Variants in RYR1 observed in about 807,000 individuals in gnomAD.
RYR1 encodes ryanodine receptor 1, also known as central core disease of muscle.
A neutral mutation model predicts 583.5 loss-of-function variants in RYR1; 342 were observed. The observed-to-expected ratio is 0.59, with a 90% CI of 0.54 to 0.64. RYR1 has a LOEUF of 0.64. RYR1 is among the 30% of genes least tolerant of loss of function. The pLI is 0.00. For missense variants in RYR1, 6,032 were observed against 6,917.2 expected, an observed-to-expected ratio of 0.87 and a Z score of 4.54; for synonymous variants, 2,791 against 2,822.5, an observed-to-expected ratio of 0.99 and a Z score of 0.35.
intron 87 of RYR1, among the ~76,000 whole-genome samples, chr19:38,544,101 C>T (rs900851302): frequency 5.3e-5 from 8 of 152,208 alleles, no homozygotes; most frequent in Admixed American, 3.9e-4. Flanking sequence ...TTTCCATCCA[C>T]GCTTCCATTG....
chr19:38,534,056 G>A (rs1971858107), intron 78 of RYR1, among the ~76,000 whole-genome samples: 1 of 141,212 alleles, frequency 7.1e-6, no homozygotes, highest in African/African-American at 2.7e-5. Context: ...CGCCCAGGCT[G>A]GATGGAGTGC....
rs184001980 is a variant in RYR1 at position 38,457,696 on chromosome 19, C to G, written c.1925+66C>G. 4.3e-5 allele frequency: 65 copies of G among 1,518,982 alleles called. No homozygotes were observed. The African/African-American group carries it at 7.9e-4, about 19-fold the overall frequency. The allele number at this position is 1,518,982 out of a possible 1,614,324, so 94.1% of individuals were successfully genotyped here. A position where few individuals can be genotyped will look rare whatever the true frequency, so the allele number is the denominator to read the frequency against. ...CAACCCTCTCCCTGACTTAGAGACT[C>G]CACACCCAGATGGATGTCCTTTCCT... On this transcript the variant is annotated intron_variant, in intron 17 of 105. Transcript: ENST00000359596.
At chr19:38,566,028 G>T (rs1018074148) in intron 91 of RYR1, among the ~76,000 whole-genome samples, 5 of 151,828 alleles carry the variant, frequency 3.3e-5, no homozygotes, top group Non-Finnish European at 5.9e-5. Context: ...AAGGGCCGGG[G>T]AGAGAGAGTG....
rs973954486 is a variant in RYR1 at position 38,482,925 on chromosome 19, C to A, written c.4621-102C>A. On this transcript the variant is annotated intron_variant, in intron 31 of 105. Transcript: ENST00000359596. ...CTGAGCCATTTTGGAGCCTCTAACG[C>A]CCAGATGAGGACCTACAAATTGGCC... The A allele has an allele frequency of 6.9e-6, 7 of 1,019,502 alleles. No individual in the cohort carries two copies. The African/African-American group carries it at 9.4e-5, about 14-fold the overall frequency. 63.2% of individuals were successfully genotyped at this position (1,019,502 alleles called of 1,614,324 possible).
intron 74 of RYR1, 25 bp from the exon 75 acceptor site, chr19:38,528,574 G>A: frequency 6.2e-7 from 1 of 1,613,380 alleles, no homozygotes; most frequent in Non-Finnish European, 8.5e-7. Flanking sequence ...GCGCGTCCCA[G>A]TGACGTCACA....
chr19:38,447,841 TAAAAAAA>T (rs55754306), intron 9 of RYR1, among the ~76,000 whole-genome samples: 3 of 137,550 alleles, frequency 2.2e-5, no homozygotes, highest in Admixed American at 1.5e-4. Context: ...GGCCCTGCCT[TAAAAAAA>T]AAAAAAAAAA....
intron 63 of RYR1, among the ~76,000 whole-genome samples, chr19:38,514,312 G>A (rs1183071569): frequency 4.1e-5 from 6 of 145,678 alleles, no homozygotes; most frequent in Non-Finnish European, 7.4e-5. Flanking sequence ...ACAGAGTCTC[G>A]GTCTGTCACC....
chr19:38,441,504 C>T (rs1214412445), intron 2 of RYR1, among the ~76,000 whole-genome samples: 4 of 150,068 alleles, frequency 2.7e-5, no homozygotes, highest in African/African-American at 9.8e-5. Context: ...AAGGTGATCC[C>T]CAAGTCCGAG....
At position 38,570,679 on chromosome 19, in the gene RYR1, T is replaced by C. The variant is rs756331914; in HGVS notation, c.13732T>C (p.Leu4578=). 2 of 1,613,946 alleles carry C rather than the reference T, an allele frequency of 1.2e-6. No homozygotes were observed. Among genetic ancestry groups the C allele is most frequent in the South Asian group, 1.1e-5 (1 of 91,082 alleles). ...LFLAFAINFI[L]LFYKVSDSPP... is the part of the protein sequence containing the mutation. ...CTTGGCATTTGCCATCAACTTCATC[T>C]TGCTGTTTTATAAGGTGCTGGTCCT... Residue 4578 remains leucine (L), a synonymous_variant, in exon 94 of 106, where the codon TTG becomes CTG. Coordinates refer to ENST00000359596, the MANE Select transcript of RYR1 (RefSeq NM_000540.3).
At chr19:38,510,385 C>A in intron 58 of RYR1, 113 bp from the exon 59 acceptor site, 1 of 1,021,338 alleles carries the variant, frequency 9.8e-7, no homozygotes, top group Non-Finnish European at 1.5e-6. Flanking sequence ...GACTTCATAC[C>A]AATACTTTAT....
chr19:38,468,281 T>G (rs993452357), intron 25 of RYR1, among the ~76,000 whole-genome samples: 6 of 151,156 alleles, frequency 4.0e-5, no homozygotes, highest in African/African-American at 9.8e-5. Context: ...CATCCATGCA[T>G]TCAACCATCC....
intron 90 of RYR1, among the ~76,000 whole-genome samples, chr19:38,562,154 A>G (rs1319392526): frequency 2.0e-5 from 3 of 152,044 alleles, no homozygotes; most frequent in Non-Finnish European, 2.9e-5. Context: ...GCCCTGGCAC[A>G]ACCATGCTCA....
Position 38,548,268 on chromosome 19 carries a change from G to T in RYR1, c.12130G>T (p.Val4044Leu). ...GAACGGCATGATCGCCCGGCAGATGGTGGACATGCTCGTGGAATCCTCATC... is the reference window on the plus strand; with the variant it reads ...GAACGGCATGATCGCCCGGCAGATGTTGGACATGCTCGTGGAATCCTCATC... ...VVNGMIARQM[V>L]DMLVESSSNV... The change falls in exon 89 of 106, where the codon GTG becomes TTG. Residue 4044 changes from valine (V) to leucine (L), a missense_variant. By Grantham distance (32) the Val-to-Leu change is conservative (BLOSUM62 1). Coordinates refer to ENST00000359596, the MANE Select transcript of RYR1 (RefSeq NM_000540.3). The T allele has an allele frequency of 6.2e-7, 1 of 1,614,238 alleles. No individual in the cohort carries two copies. Among genetic ancestry groups the T allele is most frequent in the Non-Finnish European group, 8.5e-7 (1 of 1,180,040 alleles).
Position 38,483,466 on chromosome 19 carries a change from G to A in RYR1, c.4884G>A (p.Gln1628=), listed in dbSNP as rs1338992877. ...RAGERLGWAV[Q]CQEPLTMMAL... ...GCGAGCGGCTGGGCTGGGCCGTGCA[G>A]TGCCAGGAGCCGCTGACCATGATGG... Residue 1628 remains glutamine, a synonymous_variant, in exon 33 of 106, where the codon CAG becomes CAA. Transcript: ENST00000359596. The surrounding 1 kb of genome is among the most constrained non-coding windows in gnomAD (Gnocchi z 6.3). The A allele has an allele frequency of 6.4e-7, 1 of 1,566,564 alleles. No individual in the cohort carries two copies. Among genetic ancestry groups the A allele is most frequent in the Non-Finnish European group, 8.6e-7 (1 of 1,159,616 alleles).
In RYR1 at chr19:38,548,831, C is replaced by T. The variant is rs1601005413; in HGVS notation, c.12282+411C>T. On this transcript the variant is annotated intron_variant, in intron 89 of 105. Transcript: ENST00000359596. The stretch of plus-strand genomic sequence containing the variant: ...TCTTGGGCTCCAACAATTCTCCTAC[C>T]TTGGCCTCCCAAAGTGCTGGGATTA... Among the ~76,000 whole-genome samples the T allele has an allele frequency of 2.6e-5, 4 of 152,330 alleles. No individual in the cohort carries two copies. The Middle Eastern group carries it at 0.014, about 518-fold the overall frequency.
chr19:38,516,276 T>TG (rs1202725043), intron 65 of RYR1, 59 bp downstream of exon 65: 1 of 1,534,008 alleles, frequency 6.5e-7, no homozygotes, highest in African/African-American at 1.4e-5. Context: ...CACAGGGCCT[T>TG]GGGGAGACCC....
intron 89 of RYR1, among the ~76,000 whole-genome samples, chr19:38,554,121 C>T (rs1379580176): frequency 6.6e-6 from 1 of 151,448 alleles, no homozygotes. Context: ...CTGCAGAGTT[C>T]CAGCAGATGG....
chr19:38,485,965 G>C lies in RYR1; in HGVS notation c.5310G>C (p.Ser1770=), dbSNP rs1600772466. The change falls in exon 34 of 106, where the codon TCG becomes TCC. Residue 1770 remains serine, a synonymous_variant. Transcript: ENST00000359596. ...TGCCGGGAGTTGGAGTCACCACTTCGCTGAGGCCCCCGCATCATTTCTCGC... is the reference window on the plus strand; with the variant it reads ...TGCCGGGAGTTGGAGTCACCACTTCCCTGAGGCCCCCGCATCATTTCTCGC... ...HGLPGVGVTT[S]LRPPHHFSPP... The C allele has an allele frequency of 6.2e-7, 1 of 1,613,646 alleles. No individual in the cohort carries two copies. The highest frequency in any genetic ancestry group is 1.6e-4 in the Middle Eastern group (1 of 6,062).
intron 37 of RYR1, 38 bp from the exon 38 acceptor site, chr19:38,492,452 T>C (rs1969592718): frequency 6.2e-7 from 1 of 1,608,436 alleles, no homozygotes; most frequent in Non-Finnish European, 8.5e-7. Flanking sequence ...ATAAGCAAAC[T>C]AATGAATGAC....
Sources: allele counts gnomAD v4.1 joint callset (sites outside exome capture counted in the v4.1 genomes callset), GRCh38; gene constraint gnomAD v4.1.1; non-coding constraint Gnocchi (gnomAD v3.1); transcripts MANE v1.5; gene names NCBI Gene and HGNC (gene_info 2026-07-23, HGNC 2026-07-21).